Variants in SLC19A1 observed in about 807,000 individuals in gnomAD.
SLC19A1 encodes the protein solute carrier family 19 member 1.
A neutral mutation model predicts 35.3 loss-of-function variants in SLC19A1; 37 were observed. The ratio of observed to expected loss-of-function variants is 1.05; its 90% CI spans 0.81 to 1.38. The LOEUF (loss-of-function observed/expected upper bound fraction) is 1.38, where lower values mean the gene tolerates loss of function less well. Among genes scored for constraint, SLC19A1 ranks in the 40% most tolerant of loss-of-function variants. The probability of loss-of-function intolerance (pLI) is 0.00; values close to 1 mark genes in which losing one functional copy is unlikely to be tolerated. For synonymous variants in SLC19A1, 460 were observed against 398.5 expected, an observed-to-expected ratio of 1.15 and a Z score of -1.84; for missense variants, 831 against 826.9, an observed-to-expected ratio of 1.00 and a Z score of -0.06.
At chr21:45,544,317 C>T (rs954720228), upstream of SLC19A1, 1 of 152,366 alleles carries the variant, frequency 6.6e-6, no homozygotes, top group African/African-American at 2.4e-5. Flanking sequence ...ACCAACAGCA[C>T]TTGGCAGTTG....
Position 45,515,669 on chromosome 21 carries a change from C to T in SLC19A1, c.1765G>A (p.Val589Met), listed in dbSNP as rs773367143. ...QCLPSDGVQN[V>M]NQ is the part of the protein sequence containing the mutation. ...GGGGCGCCCGAGAGTCACTGGTTCA[C>T]ATTCTGAACACCGTCGCTTGGAAGA... Residue 589 changes from valine (V) to methionine (M), a missense_variant, in exon 6 of 6, where the codon GTG (valine) becomes ATG (methionine). By Grantham distance (21) the Val-to-Met change is conservative. Transcript: ENST00000311124. The T allele has an allele frequency of 1.9e-6, 3 of 1,613,484 alleles. No individual in the cohort carries two copies. Among genetic ancestry groups the T allele is most frequent in the South Asian group, 1.1e-5 (1 of 91,082 alleles).
chr21:45,526,025 T>G (rs1431536864), intron 4 of SLC19A1, 67 bp from the exon 5 acceptor site: 1 of 1,561,848 alleles, frequency 6.4e-7, no homozygotes, highest in Non-Finnish European at 8.7e-7. Context: ...GGGAAAAGCC[T>G]GCAGCCCGGC....
In SLC19A1 at chr21:45,525,854, G is replaced by A. The variant is rs753571743; in HGVS notation, c.1256C>T (p.Ser419Leu). 5.6e-6 allele frequency: 9 copies of A among 1,613,472 alleles called. No individual in the cohort carries two copies. Among genetic ancestry groups the A allele is most frequent in the Middle Eastern group, 1.7e-4 (1 of 6,060 alleles). The change falls in exon 5 of 6, where the codon TCG becomes TTG. Residue 419 changes from serine to leucine, a missense_variant. Transcript: ENST00000311124. ...IVKTIITFIV[S>L]DVRGLGLPVR... is the part of the protein sequence containing the mutation. ...CGGGAGGCCCAGGCCCCGCACGTCC[G>A]AGACAATGAAAGTGATGATGGTCTT...
chr21:45,508,393 ATGG>A (rs2037366171), downstream of SLC19A1, among the ~76,000 whole-genome samples: 1 of 136,910 alleles, frequency 7.3e-6, no homozygotes. Flanking sequence ...GGGCAGATGG[ATGG>A]TGGATAGGTA....
intron 1 of SLC19A1, among the ~76,000 whole-genome samples, chr21:45,559,514 T>C (rs1424976213): frequency 2.0e-5 from 3 of 152,216 alleles, no homozygotes; most frequent in African/African-American, 4.8e-5. Flanking sequence ...AAGATTTATA[T>C]TTTTTTCCAG....
upstream of SLC19A1, among the ~76,000 whole-genome samples, chr21:45,547,479 G>T (rs2078426671): frequency 6.6e-6 from 1 of 152,198 alleles, no homozygotes; most frequent in Non-Finnish European, 1.5e-5. Context: ...AGTCTGATAA[G>T]AATCATTTAG....
intron 5 of SLC19A1, among the ~76,000 whole-genome samples, chr21:45,523,189 G>A (rs929146589): frequency 2.0e-5 from 3 of 152,170 alleles, no homozygotes; most frequent in African/African-American, 4.8e-5. Context: ...CCATGCTGGA[G>A]GAAAGAGAGT....
At chr21:45,511,220 C>T (rs543837165), downstream of SLC19A1, 15 of 1,565,370 alleles carry the variant, frequency 9.6e-6, no homozygotes, top group African/African-American at 1.4e-5. Flanking sequence ...CTGAGGCACC[C>T]CACCTGGTAG....
upstream of SLC19A1, among the ~76,000 whole-genome samples, chr21:45,547,297 GC>G (rs2078424519): frequency 6.6e-6 from 1 of 152,112 alleles, no homozygotes; most frequent in South Asian, 2.1e-4. Context: ...AAACTTCTAA[GC>G]CCCCAACCGT....
In SLC19A1 at chr21:45,515,441, G is replaced by T; in HGVS notation, c.*217C>A. ...CCTCTTCCAGCAACAAAGCCCGCGG[G>T]GCACAGTGCAGGGACAGCATGGCCA... On this transcript the variant is annotated 3_prime_UTR_variant, in exon 6 of 6. Coordinates refer to ENST00000311124, the MANE Select transcript of SLC19A1 (RefSeq NM_194255.4). The T allele has an allele frequency of 6.8e-7, 1 of 1,462,906 alleles. No homozygotes were observed. Among genetic ancestry groups the T allele is most frequent in the Admixed American group, 2.7e-5 (1 of 36,502 alleles). 90.6% of individuals were successfully genotyped at this position (1,462,906 alleles called of 1,614,324 possible).
intron 1 of SLC19A1, among the ~76,000 whole-genome samples, chr21:45,550,312 A>C (rs566681776): frequency 5.3e-5 from 8 of 152,256 alleles, no homozygotes; most frequent in African/African-American, 1.9e-4. Context: ...CCCAGGTGGC[A>C]GCTGTTGGTT....
upstream of SLC19A1, chr21:45,542,532 G>C (rs1429553884): frequency 6.6e-6 from 1 of 150,902 alleles, no homozygotes; most frequent in South Asian, 2.1e-4. Context: ...GCGCGTGGCC[G>C]GGCGCTGCGG....
chr21:45,503,566 CAT>C (rs1177508987), intron 3 of SLC19A1, among the ~76,000 whole-genome samples: 5 of 143,318 alleles, frequency 3.5e-5, no homozygotes, highest in Non-Finnish European at 7.5e-5. Context: ...TATTCTCACT[CAT>C]AGGTGGGAAC....
chr21:45,503,916 G>A, intron 3 of SLC19A1: 1 of 1,307,392 alleles, frequency 7.6e-7, no homozygotes, highest in African/African-American at 1.5e-5. Flanking sequence ...GGCTAGAAGG[G>A]CCTCAGGCAA....
At chr21:45,545,307 T>C (rs1178525292), upstream of SLC19A1, among the ~76,000 whole-genome samples, 1 of 152,100 alleles carries the variant, frequency 6.6e-6, no homozygotes, top group Non-Finnish European at 1.5e-5. Context: ...CACCATCACC[T>C]TGGTGATGAG....
rs563768743 is a variant in SLC19A1, at chr21:45,534,677, C to T, written c.190-2529G>A. 1.2e-5 allele frequency: 15 copies of T among 1,298,512 alleles called. No individual in the cohort carries two copies. The highest frequency in any genetic ancestry group is 3.8e-5 in the South Asian group (3 of 78,398). The allele number at this position is 1,298,512 out of a possible 1,614,324, so 80.4% of individuals were successfully genotyped here. A position where few individuals can be genotyped will look rare whatever the true frequency, so the allele number is the denominator to read the frequency against. On this transcript the variant is annotated intron_variant, in intron 2 of 5. Transcript: ENST00000311124. The surrounding 1 kb of genome is among the most constrained non-coding windows in gnomAD (Gnocchi z 4.2). ...CCTTGGCAGCCACCCAGAGCCCTCC[C>T]GCTCCTCTCCCTGCACCTCCTCAAC...
Position 45,512,896 on chromosome 21 carries a change from G to A in SLC19A1, c.*2762C>T, listed in dbSNP as rs555167805. 87 of 205,318 alleles carry A rather than the reference G, an allele frequency of 4.2e-4. No homozygotes were observed. The highest frequency in any genetic ancestry group is 1.3e-3 in the Admixed American group (24 of 18,878). The allele number at this position is 205,318 out of a possible 1,614,324, so 12.7% of individuals were successfully genotyped here. ...CTGGGCTCCTCCAGGGTGTGTGCTC[G>A]CCCTGCGGTAGATGGGAGGGAGGCT... On this transcript the variant is annotated 3_prime_UTR_variant, in exon 6 of 6. Transcript: ENST00000311124.
In SLC19A1 at chr21:45,531,396, C is replaced by A. The variant is rs756176485; in HGVS notation, c.942G>T (p.Thr314=). The change falls in exon 3 of 6, where the codon ACG becomes ACT. Residue 314 remains threonine, a synonymous_variant. Transcript: ENST00000311124. ...GGACCAGGGCATGCGTACCCAGCAGCGTGGAGGCAGCATCTGCCGCGCCGT... is the reference window on the plus strand; with the variant it reads ...GGACCAGGGCATGCGTACCCAGCAGAGTGGAGGCAGCATCTGCCGCGCCGT... ...VYNGAADAAS[T]LLGAITSFAA... The A allele has an allele frequency of 1.3e-6, 2 of 1,580,152 alleles. No individual in the cohort carries two copies. Among genetic ancestry groups the A allele is most frequent in the Admixed American group, 3.5e-5 (2 of 57,464 alleles).
At chr21:45,560,940 C>A (rs949863242) in intron 1 of SLC19A1, among the ~76,000 whole-genome samples, 1 of 152,214 alleles carries the variant, frequency 6.6e-6, no homozygotes, top group Non-Finnish European at 1.5e-5. Flanking sequence ...CCTGGCTCAG[C>A]CTCAGCTGCT....
Sources: allele counts gnomAD v4.1 joint callset (sites outside exome capture counted in the v4.1 genomes callset), GRCh38; gene constraint gnomAD v4.1.1; non-coding constraint Gnocchi (gnomAD v3.1); transcripts MANE v1.5; gene names NCBI Gene and HGNC (gene_info 2026-07-23, HGNC 2026-07-21).